Variants in GRM1 observed in about 807,000 individuals in gnomAD.
The protein encoded by GRM1 is glutamate metabotropic receptor 1, also known as metabotropic glutamate receptor 1.
GRM1 carries 33 observed loss-of-function variants against 90.9 expected under a neutral mutation model. That is an observed-to-expected ratio of 0.36 (90% CI 0.28 to 0.49). GRM1 has a LOEUF of 0.49. Ranked by LOEUF, GRM1 falls within the 20% of genes least tolerant of loss-of-function variation. The probability of loss-of-function intolerance (pLI) is 0.99; values close to 1 mark genes in which losing one functional copy is unlikely to be tolerated. For synonymous variants in GRM1, 700 were observed against 613.2 expected, an observed-to-expected ratio of 1.14 and a Z score of -2.09; for missense variants, 1,190 against 1,534.3, an observed-to-expected ratio of 0.78 and a Z score of 3.75.
At position 146,078,021 on chromosome 6, in the gene GRM1, T is replaced by C. The variant is rs7757974; in HGVS notation, c.700+47804T>C. ...ATATTAAAATGAGACTCAGTTTTGT[T>C]TCAGCTCCTTTGACAAAGCAGATGT... On this transcript the variant is annotated intron_variant, in intron 1 of 7. Coordinates refer to ENST00000282753, the MANE Select transcript of GRM1 (RefSeq NM_001278064.2). Among the ~76,000 whole-genome samples, 1,517 of 152,296 alleles carry C rather than the reference T, an allele frequency of 1.0e-2. 20 individuals are homozygous for C. Among genetic ancestry groups the C allele is most frequent in the African/African-American group, 0.035 (1,440 of 41,566 alleles).
At chr6:146,212,119 C>A (rs1198508691) in intron 2 of GRM1, among the ~76,000 whole-genome samples, 2 of 152,186 alleles carry the variant, frequency 1.3e-5, no homozygotes, top group Non-Finnish European at 2.9e-5. Flanking sequence ...ATCAGGTCCA[C>A]TCAATTGTCT....
At chr6:146,386,631 A>C (rs1226744399) in intron 5 of GRM1, among the ~76,000 whole-genome samples, 2 of 152,050 alleles carry the variant, frequency 1.3e-5, no homozygotes, top group African/African-American at 4.8e-5. Context: ...CTGCAAAAAA[A>C]TGTAGTCAAA....
At chr6:146,193,977 A>G (rs751082970) in intron 2 of GRM1, among the ~76,000 whole-genome samples, 10 of 151,896 alleles carry the variant, frequency 6.6e-5, no homozygotes, top group Non-Finnish European at 1.3e-4. Context: ...TAGTAGCTGA[A>G]CTTGTTTACC....
chr6:146,168,298 T>C (rs1028829366), intron 2 of GRM1, among the ~76,000 whole-genome samples: 2 of 152,034 alleles, frequency 1.3e-5, no homozygotes, highest in African/African-American at 4.8e-5. Context: ...AATATACTTC[T>C]TTACGTTGTT....
chr6:146,139,623 T>C (rs1348769949), intron 1 of GRM1, among the ~76,000 whole-genome samples: 2 of 152,216 alleles, frequency 1.3e-5, no homozygotes, highest in Non-Finnish European at 1.5e-5. Flanking sequence ...AATATATCTA[T>C]TTCTGTTCTT....
chr6:146,155,093 T>C (rs1476548274), intron 1 of GRM1, among the ~76,000 whole-genome samples: 1 of 152,158 alleles, frequency 6.6e-6, no homozygotes, highest in East Asian at 1.9e-4. Flanking sequence ...CTATCATGAG[T>C]ACATCATTGA....
intron 7 of GRM1, among the ~76,000 whole-genome samples, chr6:146,416,039 A>G (rs1777771004): frequency 6.6e-6 from 1 of 152,184 alleles, no homozygotes; most frequent in Non-Finnish European, 1.5e-5. Flanking sequence ...CTTGCATGAT[A>G]TACCATTTTC....
At chr6:146,107,758 T>C (rs1376486391) in intron 1 of GRM1, among the ~76,000 whole-genome samples, 1 of 152,156 alleles carries the variant, frequency 6.6e-6, no homozygotes, top group African/African-American at 2.4e-5. Flanking sequence ...ATTCCCCTCA[T>C]CTGAGGGCCT....
chr6:146,405,528 G>C (rs558038751), intron 7 of GRM1, among the ~76,000 whole-genome samples: 2 of 152,132 alleles, frequency 1.3e-5, no homozygotes, highest in Non-Finnish European at 2.9e-5. Context: ...TCACAGTTCC[G>C]GAGGCTGAAA....
Position 146,398,821 on chromosome 6 carries a change from T to A in GRM1, c.1782T>A (p.Ile594=). Residue 594 remains isoleucine (I), a synonymous_variant, in exon 7 of 8, where the codon ATT becomes ATA. Coordinates refer to ENST00000282753, the MANE Select transcript of GRM1 (RefSeq NM_001278064.2). ...RYLEWSNIES[I]IAIAFSCLGI... ...TTGAGTGGAGCAACATCGAATCCAT[T>A]ATAGCCATCGCCTTTTCATGCCTGG... 1 of 1,613,896 alleles carries A rather than the reference T, an allele frequency of 6.2e-7. No homozygotes were observed. Among genetic ancestry groups the A allele is most frequent in the Non-Finnish European group, 8.5e-7 (1 of 1,179,794 alleles).
chr6:146,092,833 A>G (rs541490183), intron 1 of GRM1, among the ~76,000 whole-genome samples: 10 of 152,254 alleles, frequency 6.6e-5, no homozygotes, highest in Admixed American at 5.2e-4. Flanking sequence ...ACATTGTTCA[A>G]TGAAAGTTAG....
chr6:146,288,081 A>C (rs1327717387), intron 2 of GRM1, among the ~76,000 whole-genome samples: 1 of 152,234 alleles, frequency 6.6e-6, no homozygotes. Context: ...GTACTTGGTC[A>C]ATGAGCAGAG....
intron 1 of GRM1, among the ~76,000 whole-genome samples, chr6:146,127,508 G>A (rs1210537576): frequency 1.3e-5 from 2 of 152,180 alleles, no homozygotes; most frequent in Non-Finnish European, 2.9e-5. Context: ...CCTGAGGTTT[G>A]ATGGGTGGGA....
In GRM1 at chr6:146,397,336, T is replaced by C. The variant is rs150794703; in HGVS notation, c.1730-1433T>C. On this transcript the variant is annotated intron_variant, in intron 6 of 7. Coordinates refer to ENST00000282753, the MANE Select transcript of GRM1 (RefSeq NM_001278064.2). ...AAAAATACAAAAAATTAGCCGGGCA[T>C]GGTGGCGGGTGCCTGTAGCCCCAGC... Among the ~76,000 whole-genome samples, 130 of 151,516 alleles carry C rather than the reference T, an allele frequency of 8.6e-4. 2 individuals carry two copies. The East Asian group carries it at 0.023, about 27-fold the overall frequency.
At chr6:146,058,940 A>G (rs1775574347) in intron 1 of GRM1, among the ~76,000 whole-genome samples, 1 of 152,032 alleles carries the variant, frequency 6.6e-6, no homozygotes, top group Non-Finnish European at 1.5e-5. Context: ...TAGTTCTTTT[A>G]TTGTTTCCAA....
At chr6:146,366,904 A>T (rs1185531121) in intron 5 of GRM1, among the ~76,000 whole-genome samples, 1 of 152,060 alleles carries the variant, frequency 6.6e-6, no homozygotes. Flanking sequence ...TTTTAGCTTG[A>T]TATAATCTCA....
chr6:146,302,492 C>T (rs1783425374), intron 2 of GRM1, among the ~76,000 whole-genome samples: 1 of 151,800 alleles, frequency 6.6e-6, no homozygotes, highest in South Asian at 2.1e-4. Context: ...CCACCTCAGC[C>T]TCCCAAATAG....
chr6:146,340,266 T>C (rs1784922036), intron 3 of GRM1, among the ~76,000 whole-genome samples: 1 of 152,240 alleles, frequency 6.6e-6, no homozygotes, highest in Non-Finnish European at 1.5e-5. Flanking sequence ...CTTTCTTAAC[T>C]ATTTCTGAGC....
chr6:146,235,455 A>G (rs1020797784), intron 2 of GRM1, among the ~76,000 whole-genome samples: 1 of 152,022 alleles, frequency 6.6e-6, no homozygotes, highest in Non-Finnish European at 1.5e-5. Context: ...TCATGGATAA[A>G]AAATTCTCTG....
Sources: gnomAD v4.1 joint callset for allele counts (sites outside exome capture counted in the v4.1 genomes callset) on GRCh38, gnomAD v4.1.1 for gene constraint, MANE v1.5 for transcripts, NCBI Gene and HGNC (gene_info 2026-07-23, HGNC 2026-07-21) for gene names.